The following NRG1 variants were observed in gnomAD, a reference collection of about 807,000 sequenced individuals.
NRG1 encodes the protein pro-neuregulin-1, membrane-bound isoform.
A neutral mutation model predicts 63.8 loss-of-function variants in NRG1; 18 were observed. The observed-to-expected ratio is 0.28, with a 90% CI of 0.19 to 0.42. The LOEUF is 0.42. NRG1 is among the 10% of genes least tolerant of loss of function. The pLI is 1.00. For synonymous variants in NRG1, 302 were observed against 301.3 expected (o/e 1.00, Z -0.02); for missense variants, 762 against 814.7 (o/e 0.94, Z 0.79).
intron 1 of NRG1, among the ~76,000 whole-genome samples, chr8:32,464,107 G>A (rs1176767297): frequency 6.6e-6 from 1 of 151,420 alleles, no homozygotes; most frequent in Non-Finnish European, 1.5e-5. Context: ...TGTTGGCCAG[G>A]ATGGTCTCGA....
intron 1 of NRG1, among the ~76,000 whole-genome samples, chr8:31,825,173 A>T (rs912557956): frequency 6.6e-6 from 1 of 152,106 alleles, no homozygotes; most frequent in African/African-American, 2.4e-5. Flanking sequence ...GGCAATCATG[A>T]GGTCAAGAGA....
Position 32,379,468 on chromosome 8 carries a change from T to G in NRG1, c.38-216360T>G, listed in dbSNP as rs1264567475. On this transcript the variant is annotated intron_variant, in intron 1 of 10. Coordinates refer to the NRG1 transcript ENST00000519301. ...GGAGAATTAGCAGCACCTTGACATT[T>G]TGAAAGAACTAGTCTATCAAAATAT... 2.6e-5 allele frequency among the ~76,000 whole-genome samples: 4 copies of G among 152,196 alleles called. No individual in the cohort carries two copies. In the East Asian group the frequency reaches 7.7e-4, roughly 29 times the overall value.
Position 32,356,488 on chromosome 8 carries a change from C to T in NRG1, c.38-239340C>T, listed in dbSNP as rs943688771. Among the ~76,000 whole-genome samples, 71 of 144,096 alleles carry T rather than the reference C, an allele frequency of 4.9e-4. 2 individuals are homozygous for T. The highest frequency in any genetic ancestry group is 1.4e-3 in the African/African-American group (55 of 38,186). 94.5% of individuals were successfully genotyped at this position (144,096 alleles called of 152,430 possible). A position where few individuals can be genotyped will look rare whatever the true frequency, so the allele number is the denominator to read the frequency against. On this transcript the variant is annotated intron_variant, in intron 1 of 10. Coordinates refer to the NRG1 transcript ENST00000519301. ...TCCTTGTTGGGACCCCCCCCCCACC[C>T]GCCGGGCCCCACCCCGTTGATATCC...
intron 1 of NRG1, among the ~76,000 whole-genome samples, chr8:32,440,116 A>AGT (rs1400319032): frequency 1.3e-5 from 2 of 152,122 alleles, no homozygotes; most frequent in Admixed American, 1.3e-4. Context: ...CAGGAGAGAG[A>AGT]GAGAGTGAGA....
At chr8:32,145,535 AT>A (rs1338529524) in intron 1 of NRG1, among the ~76,000 whole-genome samples, 5 of 152,198 alleles carry the variant, frequency 3.3e-5, no homozygotes, top group African/African-American at 1.2e-4. Flanking sequence ...TATATTGTGC[AT>A]TGTACAAAGT....
At chr8:31,989,385 A>G (rs947320754) in intron 1 of NRG1, among the ~76,000 whole-genome samples, 1 of 151,692 alleles carries the variant, frequency 6.6e-6, no homozygotes, top group African/African-American at 2.4e-5. Flanking sequence ...TTTTCTGAGT[A>G]TCAGTTATAT....
At chr8:32,480,610 G>A (rs946300956) in intron 1 of NRG1, among the ~76,000 whole-genome samples, 1 of 152,152 alleles carries the variant, frequency 6.6e-6, no homozygotes. Context: ...TCTGAGGCTA[G>A]GTAATTTGTA....
chr8:32,409,377 C>A (rs146806611), intron 1 of NRG1, among the ~76,000 whole-genome samples: 44 of 152,236 alleles, frequency 2.9e-4, no homozygotes, highest in African/African-American at 9.4e-4. Context: ...CAAAAGCAAG[C>A]AAATGCAACA....
intron 1 of NRG1, among the ~76,000 whole-genome samples, chr8:32,369,208 T>C (rs1808476902): frequency 6.6e-6 from 1 of 152,212 alleles, no homozygotes; most frequent in African/African-American, 2.4e-5. Flanking sequence ...GTTTTTTACT[T>C]TTCATTTTTG....
chr8:31,996,380 A>G (rs1408252251), intron 1 of NRG1, among the ~76,000 whole-genome samples: 3 of 151,974 alleles, frequency 2.0e-5, no homozygotes, highest in Admixed American at 2.0e-4. Context: ...TACCAGTGGA[A>G]AAGACATTTG....
intron 5 of NRG1, among the ~76,000 whole-genome samples, chr8:32,621,152 T>G (rs1426521497): frequency 6.6e-6 from 1 of 152,172 alleles, no homozygotes; most frequent in Non-Finnish European, 1.5e-5. Context: ...ACTACTCAAT[T>G]TTTGGAAATT....
chr8:32,523,861 A>G (rs1563581686), intron 1 of NRG1, among the ~76,000 whole-genome samples: 1 of 152,042 alleles, frequency 6.6e-6, no homozygotes, highest in East Asian at 1.9e-4. Flanking sequence ...TAACTAACTA[A>G]CTAACTAAAT....
chr8:31,895,910 A>G (rs1370581835), intron 1 of NRG1, among the ~76,000 whole-genome samples: 2 of 152,222 alleles, frequency 1.3e-5, no homozygotes. Context: ...ATCCACAGAA[A>G]GAATGAAGAA....
intron 1 of NRG1, among the ~76,000 whole-genome samples, chr8:31,865,539 TG>T (rs1481907575): frequency 6.6e-6 from 1 of 152,094 alleles, no homozygotes; most frequent in African/African-American, 2.4e-5. Flanking sequence ...AATTTCATCA[TG>T]GGGGGCAGTT....
intron 5 of NRG1, among the ~76,000 whole-genome samples, chr8:32,635,937 C>G (rs894592718): frequency 6.6e-6 from 1 of 151,976 alleles, no homozygotes; most frequent in Non-Finnish European, 1.5e-5. Context: ...TTTTTAGATG[C>G]CTTTGATGTC....
At chr8:31,675,976 G>A (rs759165908) in intron 1 of NRG1, among the ~76,000 whole-genome samples, 5 of 152,022 alleles carry the variant, frequency 3.3e-5, no homozygotes, top group Admixed American at 6.6e-5. Flanking sequence ...CATATATGTC[G>A]TGTTATATTA....
chr8:32,097,407 G>A (rs1268209858), intron 1 of NRG1, among the ~76,000 whole-genome samples: 2 of 152,120 alleles, frequency 1.3e-5, no homozygotes, highest in Admixed American at 6.5e-5. Flanking sequence ...TTAGTTCTTT[G>A]AGGAGTCTCC....
At chr8:32,452,017 G>A (rs113066204) in intron 1 of NRG1, among the ~76,000 whole-genome samples, 4 of 152,014 alleles carry the variant, frequency 2.6e-5, no homozygotes, top group Non-Finnish European at 4.4e-5. Context: ...TGGTAGAGAC[G>A]GAGTTTCATC....
intron 1 of NRG1, among the ~76,000 whole-genome samples, chr8:32,393,801 T>G (rs753567889): frequency 3.9e-5 from 6 of 152,166 alleles, no homozygotes; most frequent in South Asian, 2.1e-4. Flanking sequence ...AGTACCTGGA[T>G]GATGAAGTGG....
Sources: allele counts gnomAD v4.1 joint callset (sites outside exome capture counted in the v4.1 genomes callset), GRCh38; gene constraint gnomAD v4.1.1; transcripts MANE v1.5; gene names NCBI Gene and HGNC (gene_info 2026-07-23, HGNC 2026-07-21).